ELF4: variants seen among roughly 807,000 people sequenced by gnomAD.
ELF4 encodes E74 like ETS transcription factor 4, also known as ETS-related transcription factor Elf-4.
Under a neutral mutation model 31.7 loss-of-function variants are expected in ELF4, and 10 were observed. The observed-to-expected ratio is 0.32, with a 90% confidence interval of 0.19 to 0.54. The LOEUF (loss-of-function observed/expected upper bound fraction) is 0.54, where lower values mean the gene tolerates loss of function less well. ELF4 is among the 20% of genes least tolerant of loss of function. ELF4 has a pLI of 0.95. For synonymous variants in ELF4, 208 were observed against 226.7 expected, an observed-to-expected ratio of 0.92 and a Z score of 0.74; for missense variants, 418 against 522.0, an observed-to-expected ratio of 0.80 and a Z score of 1.94.
At chrX:130,076,150 C>A (rs1253974829) in intron 2 of ELF4, among the ~76,000 whole-genome samples, 1 of 111,664 alleles carries the variant, frequency 9.0e-6, no homozygotes, top group East Asian at 2.8e-4. Context: ...GAGAATTCAA[C>A]CCCTAGAGAA....
intron 1 of ELF4, among the ~76,000 whole-genome samples, chrX:130,092,645 T>C (rs1173696557): frequency 1.8e-5 from 2 of 111,858 alleles, no homozygotes; most frequent in Non-Finnish European, 3.8e-5. Context: ...GAGGACTGGA[T>C]AAAAAACTGG....
At chrX:130,111,009 TG>T (rs1569412489), upstream of ELF4, among the ~76,000 whole-genome samples, 7 of 4,464 alleles carry the variant, frequency 1.6e-3, no homozygotes, top group Non-Finnish European at 2.7e-3. Context: ...GCGGGCGGGG[TG>T]GGGGAGGGAA....
chrX:130,068,762 G>A (rs1027131152), intron 8 of ELF4, among the ~76,000 whole-genome samples: 2 of 112,358 alleles, frequency 1.8e-5, no homozygotes, highest in East Asian at 2.8e-4. Flanking sequence ...GCCAGGACAC[G>A]GACGCCCTGG....
Position 130,067,279 on chromosome X carries a change from C to T in ELF4, c.1434G>A (p.Gly478=), listed in dbSNP as rs1226516521. ...GGAGGCCACTGAGAATCAGTGGAGC[C>T]CCTGGGGCTGCCACCTGGCTGTCTT... is the stretch of plus-strand genomic sequence containing the variant. The part of the protein sequence containing the change: ...SFQDSQVAAP[G]APLILSGLPQ... The change falls in exon 9 of 9, where the codon GGG becomes GGA. Residue 478 remains glycine, a synonymous_variant. Transcript: ENST00000308167. The T allele has an allele frequency of 1.7e-6, 2 of 1,210,672 alleles. No homozygotes were observed. Among genetic ancestry groups the T allele is most frequent in the Non-Finnish European group, 2.2e-6 (2 of 895,271 alleles).
In ELF4 at chrX:130,067,124, G is replaced by A; in HGVS notation, c.1589C>T (p.Thr530Ile). The change falls in exon 9 of 9, where the codon ACT (threonine) becomes ATT (isoleucine). Residue 530 changes from threonine (T) to isoleucine (I), a missense_variant. Coordinates refer to ENST00000308167, the MANE Select transcript of ELF4 (RefSeq NM_001421.4). ...VIAAFIRTSGTTAAPRVKEGP... is the reference protein window; with the variant it reads ...VIAAFIRTSGITAAPRVKEGP... ...CTCCTTGACCCTAGGGGCTGCTGTA[G>A]TGCCAGAAGTCCTGATGAAGGCAGC... 1 of 1,201,205 alleles carries A rather than the reference G, an allele frequency of 8.3e-7. No homozygotes were observed. Among genetic ancestry groups the A allele is most frequent in the Non-Finnish European group, 1.1e-6 (1 of 889,200 alleles).
At chrX:130,101,713 C>G (rs184072368) in intron 1 of ELF4, among the ~76,000 whole-genome samples, 1 of 109,914 alleles carries the variant, frequency 9.1e-6, no homozygotes, top group Non-Finnish European at 1.9e-5. Context: ...GCAGGAGAAT[C>G]GCTTGAACCC....
intron 1 of ELF4, among the ~76,000 whole-genome samples, chrX:130,093,185 A>G (rs2124629025): frequency 9.2e-6 from 1 of 109,039 alleles, no homozygotes; most frequent in East Asian, 2.9e-4. Context: ...TGAGCCTATA[A>G]TCCCAGCTAC....
At chrX:130,105,611 G>C (rs1316542923) in intron 1 of ELF4, among the ~76,000 whole-genome samples, 1 of 111,519 alleles carries the variant, frequency 9.0e-6, no homozygotes, top group Non-Finnish European at 1.9e-5. Flanking sequence ...CTAGTCCTTA[G>C]CGGTCTGGGC....
intron 1 of ELF4, among the ~76,000 whole-genome samples, chrX:130,090,833 G>T (rs1442912814): frequency 8.9e-6 from 1 of 112,048 alleles, no homozygotes; most frequent in Non-Finnish European, 1.9e-5. Flanking sequence ...TATTTTTTGA[G>T]ACTGGGTTTT....
intron 1 of ELF4, among the ~76,000 whole-genome samples, chrX:130,095,352 G>A (rs753807636): frequency 8.9e-6 from 1 of 112,646 alleles, no homozygotes; most frequent in African/African-American, 3.2e-5. Flanking sequence ...CAGTAGAAGT[G>A]AGGCTCAGAG....
In ELF4 at chrX:130,074,514, G is replaced by A. The variant is rs1603201061; in HGVS notation, c.247+67C>T. ...ACGGGGTTACTAGAGGCCATTGTGGGCTGCTGTTCCCTAAAGACACAGCCC... is the reference window on the plus strand; with the variant it reads ...ACGGGGTTACTAGAGGCCATTGTGGACTGCTGTTCCCTAAAGACACAGCCC... On this transcript the variant is annotated intron_variant, in intron 3 of 8. Transcript: ENST00000308167. 2.5e-6 allele frequency: 3 copies of A among 1,197,193 alleles called. No individual in the cohort carries two copies. In the African/African-American group the frequency reaches 5.2e-5, roughly 21 times the overall value.
intron 1 of ELF4, among the ~76,000 whole-genome samples, chrX:130,101,794 C>G (rs763362581): frequency 2.9e-4 from 26 of 89,628 alleles, no homozygotes; most frequent in Non-Finnish European, 4.5e-4. Context: ...AGGGAAACTC[C>G]GTCTCAAAAA....
intron 1 of ELF4, among the ~76,000 whole-genome samples, chrX:130,100,448 C>T (rs1309126261): frequency 1.5e-5 from 1 of 67,955 alleles, no homozygotes; most frequent in Non-Finnish European, 2.7e-5. Flanking sequence ...CCATGATTTC[C>T]CAACTTAAGC....
intron 4 of ELF4, 27 bp from the exon 5 acceptor site, chrX:130,072,444 CGG>C (rs1932796864): frequency 8.3e-7 from 1 of 1,206,751 alleles, no homozygotes; most frequent in South Asian, 1.8e-5. Flanking sequence ...CTGAGGTGGG[CGG>C]GGCCCAGGCA....
chrX:130,082,220 G>T (rs781258088), intron 1 of ELF4, among the ~76,000 whole-genome samples: 1 of 110,737 alleles, frequency 9.0e-6, no homozygotes, highest in South Asian at 3.8e-4. Context: ...ACCAGCAGTG[G>T]CCTTACCCTG....
intron 7 of ELF4, among the ~76,000 whole-genome samples, chrX:130,070,749 G>T (rs1341155165): frequency 1.7e-4 from 15 of 88,169 alleles, no homozygotes; most frequent in Admixed American, 3.0e-4. Context: ...TCAAGCCTGG[G>T]TGACAGAGCA....
At chrX:130,090,465 C>G (rs1160603075) in intron 1 of ELF4, among the ~76,000 whole-genome samples, 1 of 111,713 alleles carries the variant, frequency 9.0e-6, no homozygotes, top group African/African-American at 3.3e-5. Flanking sequence ...CAGTGCCTTC[C>G]CCACCTCCAC....
chrX:130,078,818 C>T (rs1481410612), intron 2 of ELF4, among the ~76,000 whole-genome samples: 1 of 107,071 alleles, frequency 9.3e-6, no homozygotes, highest in African/African-American at 3.4e-5. Flanking sequence ...ATTAGCCAGG[C>T]GCAGTGGCAT....
intron 4 of ELF4, among the ~76,000 whole-genome samples, chrX:130,073,822 A>C (rs760900847): frequency 8.9e-6 from 1 of 112,802 alleles, no homozygotes; most frequent in Non-Finnish European, 1.9e-5. Context: ...TGAAAATGGA[A>C]AGAAATTCTG....
Sources: gnomAD v4.1 joint callset for allele counts (sites outside exome capture counted in the v4.1 genomes callset) on GRCh38, gnomAD v4.1.1 for gene constraint, MANE v1.5 for transcripts, NCBI Gene and HGNC (gene_info 2026-07-23, HGNC 2026-07-21) for gene names.